CSNK1D: variants seen among roughly 807,000 people sequenced by gnomAD.
CSNK1D encodes the protein casein kinase I isoform delta.
Under a neutral mutation model 46.6 loss-of-function variants are expected in CSNK1D, and 16 were observed. The ratio of observed to expected loss-of-function variants is 0.34; its 90% CI spans 0.23 to 0.52. The LOEUF (loss-of-function observed/expected upper bound fraction) is 0.52. CSNK1D is among the 20% of genes least tolerant of loss of function. The pLI is 0.95. For synonymous variants in CSNK1D, 276 were observed against 228.2 expected (o/e 1.21, Z -1.89); for missense variants, 398 against 578.4 (o/e 0.69, Z 3.20).
chr17:82,245,394 G>A (rs941958323), intron 8 of CSNK1D: 15 of 223,714 alleles, frequency 6.7e-5, no homozygotes, highest in Non-Finnish European at 1.3e-4. Context: ...TAATACAGAC[G>A]AAGCTGCGTG....
intron 2 of CSNK1D, among the ~76,000 whole-genome samples, chr17:82,258,566 G>A (rs781712828): frequency 4.6e-5 from 7 of 151,936 alleles, no homozygotes; most frequent in Non-Finnish European, 1.0e-4. Flanking sequence ...GCAGCATTAC[G>A]GATTCCCAAA....
rs887622800 is a variant in CSNK1D at position 82,242,995 on chromosome 17, G to T, written c.*1786C>A. 54 of 985,334 alleles carry T rather than the reference G, an allele frequency of 5.5e-5. No individual in the cohort carries two copies. Among genetic ancestry groups the T allele is most frequent in the Non-Finnish European group, 6.5e-5 (54 of 829,948 alleles). The allele number at this position is 985,334 out of a possible 1,614,324, so 61.0% of individuals were successfully genotyped here. A position where few individuals can be genotyped will look rare whatever the true frequency, so the allele number is the denominator to read the frequency against. ...CACAGCGCGACGTCTCTCCGGGTGG[G>T]GGACGTCTACCTTCAAGAAGGGGTC... On this transcript the variant is annotated 3_prime_UTR_variant, in exon 9 of 9. Coordinates refer to ENST00000314028, the MANE Select transcript of CSNK1D (RefSeq NM_001893.6).
At chr17:82,242,617 G>A (rs1353028483), downstream of CSNK1D, 1 of 981,394 alleles carries the variant, frequency 1.0e-6, no homozygotes, top group African/African-American at 1.7e-5. Flanking sequence ...TCAACACAGT[G>A]AAAACTCTCA....
At chr17:82,245,641 G>T (rs1157809117) in intron 8 of CSNK1D, 4 of 372,410 alleles carry the variant, frequency 1.1e-5, no homozygotes, top group Middle Eastern at 8.8e-4. Context: ...AGTGCTCGGG[G>T]CACCCGCCTT....
chr17:82,270,385 T>G (rs2051588967), intron 1 of CSNK1D, among the ~76,000 whole-genome samples: 1 of 151,984 alleles, frequency 6.6e-6, no homozygotes. Context: ...AAGTCCCCGG[T>G]AGAAAAACAA....
chr17:82,257,529 GAAC>G (rs1186753303), intron 2 of CSNK1D, among the ~76,000 whole-genome samples: 1 of 152,164 alleles, frequency 6.6e-6, no homozygotes, highest in Non-Finnish European at 1.5e-5. Context: ...CTAAGGGAAA[GAAC>G]AAAACACACA....
In CSNK1D at chr17:82,246,406, G is replaced by A. The variant is rs536493773; in HGVS notation, c.1198-1575C>T. Reference sequence around the variant, plus strand: ...GGCAGGGGAGACGCACATCCTCGCCGGTACGACGACAGGGCTCAGGCCTAG... The same window carrying A: ...GGCAGGGGAGACGCACATCCTCGCCAGTACGACGACAGGGCTCAGGCCTAG... On this transcript the variant is annotated intron_variant, in intron 8 of 8. Transcript: ENST00000314028. 55 of 1,219,488 alleles carry A rather than the reference G, an allele frequency of 4.5e-5. No individual in the cohort carries two copies. In the Middle Eastern group the frequency reaches 1.4e-3, roughly 32 times the overall value. The allele number at this position is 1,219,488 out of a possible 1,614,324, so 75.5% of individuals were successfully genotyped here. A position where few individuals can be genotyped will look rare whatever the true frequency, so the allele number is the denominator to read the frequency against.
At chr17:82,245,047 T>C (rs1030566006) in intron 8 of CSNK1D, 3 of 659,160 alleles carry the variant, frequency 4.6e-6, no homozygotes, top group Non-Finnish European at 8.0e-6. Flanking sequence ...GGAAGAGGCA[T>C]GCAAGCAAGG....
chr17:82,268,556 A>C (rs1056875830), intron 1 of CSNK1D, among the ~76,000 whole-genome samples: 1 of 152,214 alleles, frequency 6.6e-6, no homozygotes, highest in African/African-American at 2.4e-5. Flanking sequence ...TGAGAATTTG[A>C]AAGACCCTGA....
At position 82,249,556 on chromosome 17, in the gene CSNK1D, C is replaced by T. The variant is rs764181633; in HGVS notation, c.932G>A (p.Arg311Gln). 9.7e-6 allele frequency: 15 copies of T among 1,550,770 alleles called. No individual in the cohort carries two copies. Among genetic ancestry groups the T allele is most frequent in the South Asian group, 4.7e-5 (4 of 84,452 alleles). Reference protein sequence around the residue: ...ADDAERERRDREERLRHSRNP... With the variant: ...ADDAERERRDQEERLRHSRNP... ...CCGCGAGTGTCTCAGCCGCTCCTCTCGGTCCCTGCGCTCCCGCTCGGCGTC... is the reference window on the plus strand; with the variant it reads ...CCGCGAGTGTCTCAGCCGCTCCTCTTGGTCCCTGCGCTCCCGCTCGGCGTC... Residue 311 changes from arginine (R) to glutamine (Q), a missense_variant, in exon 7 of 9, where the codon CGA becomes CAA. Arg to Gln is a conservative substitution (Grantham distance 43). This residue lies in a region of CSNK1D where 181 missense variants were observed against 208.0 expected (regional missense o/e 0.87). Coordinates refer to ENST00000314028, the MANE Select transcript of CSNK1D (RefSeq NM_001893.6). The surrounding 1 kb of genome is among the most constrained non-coding windows in gnomAD (Gnocchi z 6.7).
intron 8 of CSNK1D, chr17:82,246,408 TACG>T (rs1160466629): frequency 2.5e-6 from 3 of 1,216,972 alleles, no homozygotes; most frequent in East Asian, 5.0e-5. Context: ...TCCTCGCCGG[TACG>T]ACGACAGGGC....
Position 82,251,713 on chromosome 17 carries a change from G to A in CSNK1D, c.737-186C>T, listed in dbSNP as rs571558376. ...ATCGAAAAGTATTCAAGTCACGGCC[G>A]GGTGCGGCGGCTCACGCCTGTCACC... On this transcript the variant is annotated intron_variant, in intron 5 of 8. Coordinates refer to ENST00000314028, the MANE Select transcript of CSNK1D (RefSeq NM_001893.6). The surrounding 1 kb of genome is among the most constrained non-coding windows in gnomAD (Gnocchi z 4.5). The A allele has an allele frequency of 1.7e-5, 12 of 702,888 alleles. No individual in the cohort carries two copies. Among genetic ancestry groups the A allele is most frequent in the African/African-American group, 1.4e-4 (8 of 57,118 alleles). 43.5% of individuals were successfully genotyped at this position (702,888 alleles called of 1,614,324 possible).
chr17:82,247,855 T>G (rs943811765), intron 8 of CSNK1D: 16 of 985,194 alleles, frequency 1.6e-5, no homozygotes, highest in African/African-American at 3.5e-5. Flanking sequence ...TACAAAAAGG[T>G]CTGTTTCTAG....
intron 1 of CSNK1D, among the ~76,000 whole-genome samples, chr17:82,266,240 C>A (rs1251389447): frequency 6.6e-6 from 1 of 152,188 alleles, no homozygotes; most frequent in Non-Finnish European, 1.5e-5. Flanking sequence ...TGAGGAAGGG[C>A]TAGGTTTTTA....
At position 82,248,035 on chromosome 17, in the gene CSNK1D, A is replaced by T; in HGVS notation, c.1197+840T>A. On this transcript the variant is annotated intron_variant, in intron 8 of 8. Transcript: ENST00000314028. The surrounding 1 kb of genome is among the most constrained non-coding windows in gnomAD (Gnocchi z 4.1). The stretch of plus-strand genomic sequence containing the variant: ...CTGTGATCCCAACAAACACCTCCCC[A>T]CAAGCCCAGAGCCAGGCTCCAGGGC... The T allele has an allele frequency of 3.0e-6, 3 of 985,258 alleles. No individual in the cohort carries two copies. The highest frequency in any genetic ancestry group is 3.6e-6 in the Non-Finnish European group (3 of 829,916). The allele number at this position is 985,258 out of a possible 1,614,324, so 61.0% of individuals were successfully genotyped here.
At chr17:82,261,814 A>G (rs1197968889) in intron 2 of CSNK1D, among the ~76,000 whole-genome samples, 5 of 152,220 alleles carry the variant, frequency 3.3e-5, no homozygotes, top group Non-Finnish European at 7.3e-5. Context: ...TTCACAAGAA[A>G]AAGATGATGG....
In CSNK1D at chr17:82,255,151, G is replaced by A. The variant is rs2051143541; in HGVS notation, c.336+278C>T. On this transcript the variant is annotated intron_variant, in intron 3 of 8. Transcript: ENST00000314028. The surrounding 1 kb of genome is among the most constrained non-coding windows in gnomAD (Gnocchi z 5.9). ...CGTCGGAGCCTCCAGAAGCCAGTGA[G>A]CTGGGCCGCCGGAGCCTCGAGAAGC... 1 of 463,114 alleles carries A rather than the reference G, an allele frequency of 2.2e-6. No homozygotes were observed. The highest frequency in any genetic ancestry group is 4.6e-5 in the East Asian group (1 of 21,746). The allele number at this position is 463,114 out of a possible 1,614,324, so 28.7% of individuals were successfully genotyped here.
rs570205864 is a variant in CSNK1D at position 82,265,755 on chromosome 17, C to G, written c.118G>C (p.Glu40Gln). ...TGAGGGTGTTTGGTTTTGACACATT[C>G]AAGCTTGATGGCAACCTCTTCTCCT... The part of the protein sequence containing the change: ...AAGEEVAIKL[E>Q]CVKTKHPQLH... The change falls in exon 2 of 9, where the codon GAA becomes CAA. Residue 40 changes from glutamate to glutamine, a missense_variant. Glu to Gln is a conservative substitution (Grantham distance 29). This residue lies in a region of CSNK1D where 217 missense variants were observed against 370.3 expected (regional missense o/e 0.59). Coordinates refer to ENST00000314028, the MANE Select transcript of CSNK1D (RefSeq NM_001893.6). 6.2e-7 allele frequency: 1 copy of G among 1,614,168 alleles called. No homozygotes were observed. The highest frequency in any genetic ancestry group is 8.5e-7 in the Non-Finnish European group (1 of 1,180,022).
At position 82,252,654 on chromosome 17, in the gene CSNK1D, C is replaced by G; in HGVS notation, c.566-50G>C. The stretch of plus-strand genomic sequence containing the variant: ...AAGAACGGCACTTGCGTGCTCACGT[C>G]AAAGCAAAAGACCCGGCTGGCCGTT... On this transcript the variant is annotated intron_variant, in intron 4 of 8. Transcript: ENST00000314028. The surrounding 1 kb of genome is among the most constrained non-coding windows in gnomAD (Gnocchi z 4.6). The G allele has an allele frequency of 6.3e-7, 1 of 1,585,656 alleles. No homozygotes were observed. The highest frequency in any genetic ancestry group is 8.6e-7 in the Non-Finnish European group (1 of 1,165,960).
Sources: allele counts gnomAD v4.1 joint callset (sites outside exome capture counted in the v4.1 genomes callset), GRCh38; gene constraint gnomAD v4.1.1; regional missense constraint gnomAD v4.1.1; non-coding constraint Gnocchi (gnomAD v3.1); transcripts MANE v1.5; gene names NCBI Gene and HGNC (gene_info 2026-07-23, HGNC 2026-07-21).